AFF1: variants seen among roughly 807,000 people sequenced by gnomAD.
AFF1 encodes the protein AF4/FMR2 family member 1.
A neutral mutation model predicts 121.7 loss-of-function variants in AFF1; 48 were observed. That is an observed-to-expected ratio of 0.39 (90% confidence interval 0.31 to 0.50). AFF1 has a LOEUF of 0.50. Ranked by LOEUF, AFF1 falls within the 20% of genes least tolerant of loss-of-function variation. AFF1 has a pLI of 0.76. For missense variants in AFF1, 1,523 were observed against 1,511.7 expected, an observed-to-expected ratio of 1.01 and a Z score of -0.12; for synonymous variants, 613 against 563.0, an observed-to-expected ratio of 1.09 and a Z score of -1.26.
intron 19 of AFF1, among the ~76,000 whole-genome samples, chr4:87,134,075 A>T (rs549016335): frequency 2.1e-4 from 32 of 152,368 alleles, no homozygotes; most frequent in African/African-American, 7.5e-4. Context: ...GGAAGCTGTG[A>T]TATATCCAGG....
intron 4 of AFF1, among the ~76,000 whole-genome samples, chr4:87,074,987 T>C (rs1240125268): frequency 1.3e-5 from 2 of 152,140 alleles, no homozygotes; most frequent in Non-Finnish European, 2.9e-5. Context: ...CAAAACAAAA[T>C]TTCCAGAATG....
At chr4:87,070,974 A>G (rs1721975993) in intron 4 of AFF1, among the ~76,000 whole-genome samples, 2 of 152,248 alleles carry the variant, frequency 1.3e-5, no homozygotes, top group Admixed American at 1.3e-4. Flanking sequence ...CAACGCCAAG[A>G]CAACTGAGAA....
intron 2 of AFF1, among the ~76,000 whole-genome samples, chr4:87,019,393 A>G (rs139741087): frequency 6.6e-6 from 1 of 152,298 alleles, no homozygotes; most frequent in East Asian, 1.9e-4. Context: ...CTCTAATCTA[A>G]TTGTAAGTCT....
At chr4:86,944,145 A>AT (rs1720672379) in intron 1 of AFF1, among the ~76,000 whole-genome samples, 1 of 108,186 alleles carries the variant, frequency 9.2e-6, no homozygotes, top group East Asian at 3.8e-4. Flanking sequence ...CCCTGTAAAA[A>AT]AAAAAAAAAA....
At chr4:87,117,213 CTG>C (rs767219601) in intron 12 of AFF1, among the ~76,000 whole-genome samples, 2 of 152,236 alleles carry the variant, frequency 1.3e-5, no homozygotes, top group Non-Finnish European at 2.9e-5. Context: ...ACTGTGGGAA[CTG>C]TGCCCTCTAT....
intron 13 of AFF1, among the ~76,000 whole-genome samples, chr4:87,125,818 G>A (rs892177510): frequency 4.6e-5 from 7 of 152,172 alleles, no homozygotes; most frequent in African/African-American, 1.2e-4. Context: ...GAAAGGCACC[G>A]GTTGGGAAGC....
chr4:86,991,468 G>T (rs900183204), intron 2 of AFF1, among the ~76,000 whole-genome samples: 1 of 151,438 alleles, frequency 6.6e-6, no homozygotes, highest in Non-Finnish European at 1.5e-5. Context: ...AAAGAAATAT[G>T]CAGCCAACAT....
rs186074292 is a variant in AFF1, at chr4:87,110,865, C to A, written c.1533+2550C>A. 2.6e-3 allele frequency among the ~76,000 whole-genome samples: 393 copies of A among 151,962 alleles called. 3 individuals carry two copies. Among genetic ancestry groups the A allele is most frequent in the South Asian group, 8.3e-3 (40 of 4,818 alleles). The stretch of plus-strand genomic sequence containing the variant: ...TTGGATTGCACCAGCACTGGGAGGG[C>A]AGATTGGGGGTGGGATGAGGAGACG... On this transcript the variant is annotated intron_variant, in intron 11 of 20. Transcript: ENST00000395146.
At chr4:86,948,701 T>C in intron 2 of AFF1, 130 bp downstream of exon 2, 1 of 859,680 alleles carries the variant, frequency 1.2e-6, no homozygotes, top group South Asian at 2.0e-5. Flanking sequence ...TGTTTGAAAT[T>C]TTCAGTTTTC....
chr4:86,942,251 G>A lies in AFF1; in HGVS notation c.-36-6247G>A, dbSNP rs1300435525. On this transcript the variant is annotated intron_variant, in intron 1 of 20. Transcript: ENST00000395146. ...AATTCTGAAATGAGGACAATGCCTT[G>A]TACGATATTTTACCAGCCCACAGGG... Among the ~76,000 whole-genome samples, 5 of 152,234 alleles carry A rather than the reference G, an allele frequency of 3.3e-5. No individual in the cohort carries two copies. The South Asian group carries it at 6.2e-4, about 19-fold the overall frequency.
Position 87,114,594 on chromosome 4 carries a change from C to T in AFF1, c.1761C>T (p.Pro587=), listed in dbSNP as rs781030532. The T allele has an allele frequency of 5.4e-5, 87 of 1,609,948 alleles. No individual in the cohort carries two copies. Among genetic ancestry groups the T allele is most frequent in the East Asian group, 2.2e-4 (10 of 44,774 alleles). ...GGGCCCCACCCGAAGCCCCCCACCC[C>T]GGAAAGAGGAGCTGTCAGAAGTCTC... ...APRAPPEAPH[P]GKRSCQKSPA... Residue 587 remains proline, a synonymous_variant, in exon 12 of 21, where the codon CCC becomes CCT. Coordinates refer to ENST00000395146, the MANE Select transcript of AFF1 (RefSeq NM_001166693.3).
intron 8 of AFF1, among the ~76,000 whole-genome samples, chr4:87,104,923 C>A (rs931260644): frequency 6.6e-6 from 1 of 151,624 alleles, no homozygotes; most frequent in Non-Finnish European, 1.5e-5. Context: ...TGTAGACAAT[C>A]GAGTTTGTAT....
chr4:86,955,642 CAG>C (rs1233057306), intron 2 of AFF1, among the ~76,000 whole-genome samples: 11 of 152,020 alleles, frequency 7.2e-5, no homozygotes, highest in African/African-American at 2.2e-4. Flanking sequence ...TACTTGAGGA[CAG>C]GGGGAAAACA....
intron 2 of AFF1, among the ~76,000 whole-genome samples, chr4:86,954,138 C>G (rs1056224812): frequency 2.0e-5 from 3 of 152,198 alleles, no homozygotes; most frequent in Non-Finnish European, 4.4e-5. Context: ...TTGTAACACC[C>G]TGCATTTGTT....
intron 2 of AFF1, among the ~76,000 whole-genome samples, chr4:87,038,832 A>G (rs1008378643): frequency 6.6e-6 from 1 of 152,194 alleles, no homozygotes; most frequent in Admixed American, 6.5e-5. Flanking sequence ...AGATAAATAT[A>G]TAGGAGAAAT....
At position 87,046,329 on chromosome 4, in the gene AFF1, A is replaced by G. The variant is rs367861221; in HGVS notation, c.159+43A>G. The G allele has an allele frequency of 2.3e-5, 36 of 1,598,084 alleles. No individual in the cohort carries two copies. In the African/African-American group the frequency reaches 2.3e-4, roughly 10 times the overall value. The stretch of plus-strand genomic sequence containing the variant: ...GACATTGAAGTCCTGATTTATCACA[A>G]TGTTGAACCCTATGATGAAACAATT... On this transcript the variant is annotated intron_variant, in intron 3 of 20. Coordinates refer to ENST00000395146, the MANE Select transcript of AFF1 (RefSeq NM_001166693.3).
At chr4:86,997,536 G>A (rs1369469191) in intron 2 of AFF1, among the ~76,000 whole-genome samples, 2 of 142,378 alleles carry the variant, frequency 1.4e-5, no homozygotes, top group East Asian at 4.4e-4. Flanking sequence ...GCCGAGGCAG[G>A]TGGATCACAA....
chr4:87,135,961 A>T lies in AFF1; in HGVS notation c.*260A>T, dbSNP rs1337398717. 7.2e-6 allele frequency: 3 copies of T among 417,936 alleles called. No individual in the cohort carries two copies. 25.9% of individuals were successfully genotyped at this position (417,936 alleles called of 1,614,324 possible). ...TAACTAAAGGACAGAAGTGCAATTT[A>T]GCTTAAATGGGTGTATGAATGGTCT... On this transcript the variant is annotated 3_prime_UTR_variant, in exon 21 of 21. Transcript: ENST00000395146.
At chr4:86,996,427 C>T (rs1475281422) in intron 2 of AFF1, among the ~76,000 whole-genome samples, 1 of 151,664 alleles carries the variant, frequency 6.6e-6, no homozygotes, top group East Asian at 1.9e-4. Context: ...GACCTTACCC[C>T]CAACCCTGTG....
Sources: gnomAD v4.1 joint callset for allele counts (sites outside exome capture counted in the v4.1 genomes callset) on GRCh38, gnomAD v4.1.1 for gene constraint, MANE v1.5 for transcripts, NCBI Gene and HGNC (gene_info 2026-07-23, HGNC 2026-07-21) for gene names.